SATB2: variants seen among roughly 807,000 people sequenced by gnomAD.
SATB2 encodes DNA-binding protein SATB2.
SATB2 carries 1 observed loss-of-function variant against 73.4 expected under a neutral mutation model. That is an observed-to-expected ratio of 0.01 (90% CI 0.00 to 0.06). The LOEUF is 0.06. Among genes scored for constraint, SATB2 ranks in the 10% least tolerant of loss-of-function variants. The pLI is 1.00. For missense variants in SATB2, 459 were observed against 945.8 expected (o/e 0.49, Z 6.75); for synonymous variants, 397 against 367.0 (o/e 1.08, Z -0.93).
chr2:199,286,915 A>T (rs1393289162), intron 10 of SATB2, among the ~76,000 whole-genome samples: 4 of 152,228 alleles, frequency 2.6e-5, no homozygotes, highest in Admixed American at 2.6e-4. Context: ...ACCAGCATAC[A>T]TGAAAGAAGA....
chr2:199,316,800 C>T (rs1204568913), intron 9 of SATB2, among the ~76,000 whole-genome samples: 1 of 152,032 alleles, frequency 6.6e-6, no homozygotes, highest in Non-Finnish European at 1.5e-5. Flanking sequence ...CACATACATG[C>T]ATACATGGGT....
intron 7 of SATB2, among the ~76,000 whole-genome samples, chr2:199,340,023 G>A (rs1285241374): frequency 6.6e-6 from 1 of 152,152 alleles, no homozygotes; most frequent in African/African-American, 2.4e-5. Context: ...TAAACACTGT[G>A]TCAACAGAGC....
At chr2:199,381,016 GA>G (rs919683170) in intron 4 of SATB2, among the ~76,000 whole-genome samples, 2 of 152,104 alleles carry the variant, frequency 1.3e-5, no homozygotes, top group East Asian at 3.9e-4. Context: ...CCCAAAAGGG[GA>G]AAATTCAAAA....
upstream of SATB2, chr2:199,468,264 A>G (rs1269559745): frequency 1.3e-5 from 2 of 151,182 alleles, no homozygotes; most frequent in African/African-American, 4.9e-5. Context: ...GCAACCCGGT[A>G]GGAGGACTGG....
At chr2:199,273,201 CA>C (rs1423446965) in intron 10 of SATB2, among the ~76,000 whole-genome samples, 2 of 152,072 alleles carry the variant, frequency 1.3e-5, no homozygotes, top group Non-Finnish European at 2.9e-5. Flanking sequence ...ATAATTGTTA[CA>C]AAAAACAGTG....
At chr2:199,282,355 TTTCTGTGTAAAAAAAAA>T (rs1308034634) in intron 10 of SATB2, among the ~76,000 whole-genome samples, 1 of 152,154 alleles carries the variant, frequency 6.6e-6, no homozygotes, top group Non-Finnish European at 1.5e-5. Flanking sequence ...ATATAATTCT[TTTCTGTGTAAAAAAAAA>T]TTCCTAGGGC....
At chr2:199,412,444 G>A (rs1312011739) in intron 3 of SATB2, among the ~76,000 whole-genome samples, 1 of 152,176 alleles carries the variant, frequency 6.6e-6, no homozygotes, top group Non-Finnish European at 1.5e-5. Context: ...AAGGAGAGAG[G>A]CTGCCCTTGG....
At chr2:199,312,831 G>A (rs752779607) in intron 9 of SATB2, among the ~76,000 whole-genome samples, 2 of 152,112 alleles carry the variant, frequency 1.3e-5, no homozygotes, top group Non-Finnish European at 2.9e-5. Context: ...AGGTAGTCTT[G>A]CCCAAAATGC....
chr2:199,444,035 T>C (rs1691895643), intron 2 of SATB2, among the ~76,000 whole-genome samples: 1 of 152,188 alleles, frequency 6.6e-6, no homozygotes, highest in African/African-American at 2.4e-5. Context: ...AGTATATATG[T>C]AGTGCCTGTG....
chr2:199,418,739 G>T (rs1457330993), intron 3 of SATB2, among the ~76,000 whole-genome samples: 1 of 152,152 alleles, frequency 6.6e-6, no homozygotes, highest in Non-Finnish European at 1.5e-5. Flanking sequence ...ATTACATAAA[G>T]CATCTAATAC....
intron 2 of SATB2, among the ~76,000 whole-genome samples, chr2:199,453,545 TA>T (rs907560422): frequency 3.9e-5 from 6 of 152,154 alleles, no homozygotes; most frequent in Admixed American, 2.0e-4. Flanking sequence ...CCTTTAATTA[TA>T]AAAAAACTAA....
intron 3 of SATB2, among the ~76,000 whole-genome samples, chr2:199,383,367 C>G (rs1689833942): frequency 6.6e-6 from 1 of 152,210 alleles, no homozygotes; most frequent in Non-Finnish European, 1.5e-5. Flanking sequence ...CCAGGGCCCA[C>G]TGGACAGCCA....
chr2:199,350,275 T>C (rs1055400209), intron 6 of SATB2, among the ~76,000 whole-genome samples: 2 of 152,102 alleles, frequency 1.3e-5, no homozygotes, highest in Non-Finnish European at 2.9e-5. Context: ...AAAAAGTAAC[T>C]GTCTCCCTAT....
intron 2 of SATB2, among the ~76,000 whole-genome samples, chr2:199,451,307 CTTTAT>C (rs1344677981): frequency 1.6e-4 from 24 of 151,914 alleles, no homozygotes; most frequent in Non-Finnish European, 2.9e-5. Context: ...CCAAGTATAT[CTTTAT>C]TTTAATAACA....
intron 2 of SATB2, among the ~76,000 whole-genome samples, chr2:199,439,694 ATC>A (rs947806714): frequency 1.2e-4 from 18 of 152,260 alleles, no homozygotes; most frequent in East Asian, 5.8e-4. Context: ...TATTCTCATT[ATC>A]TCTCTCTGTC....
At chr2:199,359,315 T>C (rs1689071601) in intron 6 of SATB2, among the ~76,000 whole-genome samples, 1 of 152,200 alleles carries the variant, frequency 6.6e-6, no homozygotes, top group Non-Finnish European at 1.5e-5. Context: ...AAGGCATGTT[T>C]ATCTTAGGCT....
intron 7 of SATB2, among the ~76,000 whole-genome samples, chr2:199,339,269 C>G (rs991456691): frequency 6.6e-6 from 1 of 152,052 alleles, no homozygotes; most frequent in African/African-American, 2.4e-5. Flanking sequence ...AGGGAACCTG[C>G]TATCTACAGG....
intron 5 of SATB2, among the ~76,000 whole-genome samples, chr2:199,375,055 G>A (rs1303280373): frequency 6.6e-6 from 1 of 151,908 alleles, no homozygotes; most frequent in Non-Finnish European, 1.5e-5. Context: ...CCTATGAGAT[G>A]CACAAGGCAG....
chr2:199,440,347 G>C (rs936252477), intron 2 of SATB2, among the ~76,000 whole-genome samples: 1 of 152,134 alleles, frequency 6.6e-6, no homozygotes, highest in African/African-American at 2.4e-5. Flanking sequence ...ACTCCCCCCA[G>C]GGGCTGATCT....
Sources: gnomAD v4.1 joint callset for allele counts (sites outside exome capture counted in the v4.1 genomes callset) on GRCh38, gnomAD v4.1.1 for gene constraint, MANE v1.5 for transcripts, NCBI Gene and HGNC (gene_info 2026-07-23, HGNC 2026-07-21) for gene names.